The following NFE2L3 variants were observed in gnomAD, a reference collection of about 807,000 sequenced individuals.
NFE2L3 encodes nuclear factor erythroid 2-related factor 3.
A neutral mutation model predicts 23.5 loss-of-function variants in NFE2L3; 18 were observed. The observed-to-expected ratio is 0.77, with a 90% confidence interval of 0.53 to 1.13. The LOEUF is 1.13. Among genes scored for constraint, NFE2L3 ranks in the 50% most tolerant of loss-of-function variants. The probability of loss-of-function intolerance (pLI) is 0.00; values close to 1 mark genes in which losing one functional copy is unlikely to be tolerated. For missense variants in NFE2L3, 1,152 were observed against 877.2 expected, an observed-to-expected ratio of 1.31 and a Z score of -3.96; for synonymous variants, 424 against 354.5, an observed-to-expected ratio of 1.20 and a Z score of -2.20.
chr7:26,161,362 TTTG>T (rs1365553921), intron 1 of NFE2L3, among the ~76,000 whole-genome samples: 1,948 of 50,794 alleles, frequency 0.038, 70 homozygotes, highest in African/African-American at 0.069. Context: ...TTTTTTTTTT[TTTG>T]GGTCTTACCT....
At position 26,185,953 on chromosome 7, in the gene NFE2L3, A is replaced by G. The variant is rs1782473891; in HGVS notation, c.*170A>G. On this transcript the variant is annotated 3_prime_UTR_variant, in exon 4 of 4. Transcript: ENST00000056233. Reference sequence around the variant, plus strand: ...TACATGGACAAATGTTTAGGACTTCAAGATCACACTTGTGGGCAATCTGGG... The same window carrying G: ...TACATGGACAAATGTTTAGGACTTCGAGATCACACTTGTGGGCAATCTGGG... 1 of 587,546 alleles carries G rather than the reference A, an allele frequency of 1.7e-6. No individual in the cohort carries two copies. The allele number at this position is 587,546 out of a possible 1,614,324, so 36.4% of individuals were successfully genotyped here. A position where few individuals can be genotyped will look rare whatever the true frequency, so the allele number is the denominator to read the frequency against.
At chr7:26,167,982 G>A (rs901854557) in intron 1 of NFE2L3, among the ~76,000 whole-genome samples, 11 of 152,084 alleles carry the variant, frequency 7.2e-5, no homozygotes, top group African/African-American at 2.4e-4. Context: ...GTGGTTACAT[G>A]AGTGAGTTCT....
chr7:26,178,135 G>GA lies in NFE2L3; in HGVS notation c.750+15dup, dbSNP rs763141236. The stretch of plus-strand genomic sequence containing the variant: ...ATCTAGAAATGAGGTAAGCCTGTCA[G>GA]AATATTCAAGCCTTGCCGTTTTGGT... On this transcript the variant is annotated intron_variant, in intron 2 of 3. Coordinates refer to ENST00000056233, the MANE Select transcript of NFE2L3 (RefSeq NM_004289.7). 6.2e-7 allele frequency: 1 copy of GA among 1,605,302 alleles called. No individual in the cohort carries two copies. The highest frequency in any genetic ancestry group is 1.1e-5 in the South Asian group (1 of 89,224).
chr7:26,170,059 GC>G (rs1185566785), intron 1 of NFE2L3, among the ~76,000 whole-genome samples: 4 of 152,172 alleles, frequency 2.6e-5, no homozygotes, highest in African/African-American at 4.8e-5. Context: ...TATGCTTGTT[GC>G]CCAGCCTAAT....
intron 1 of NFE2L3, among the ~76,000 whole-genome samples, chr7:26,172,596 CCT>C (rs1441654036): frequency 6.6e-6 from 1 of 152,146 alleles, no homozygotes; most frequent in African/African-American, 2.4e-5. Flanking sequence ...TGGAAACACT[CCT>C]CTCTCAGTGT....
At position 26,152,812 on chromosome 7, in the gene NFE2L3, G is replaced by C; in HGVS notation, c.314G>C (p.Arg105Pro). Residue 105 changes from arginine to proline, a missense_variant, in exon 1 of 4, where the codon CGC (arginine) becomes CCC (proline). Physicochemically the swap from Arg to Pro is moderately radical, Grantham distance 103. Coordinates refer to ENST00000056233, the MANE Select transcript of NFE2L3 (RefSeq NM_004289.7). The surrounding 1 kb of genome is among the most constrained non-coding windows in gnomAD (Gnocchi z 4.4). ...VRALGVPFVP[R>P]TSVDAWLVHS... is the part of the protein sequence containing the mutation. Reference sequence around the variant, plus strand: ...GCGCTCGGGGTCCCCTTCGTCCCTCGCACCAGCGTGGATGCATGGCTGGTG... The same window carrying C: ...GCGCTCGGGGTCCCCTTCGTCCCTCCCACCAGCGTGGATGCATGGCTGGTG... 1 of 1,486,942 alleles carries C rather than the reference G, an allele frequency of 6.7e-7. No homozygotes were observed. Among genetic ancestry groups the C allele is most frequent in the South Asian group, 1.3e-5 (1 of 79,200 alleles). 92.1% of individuals were successfully genotyped at this position (1,486,942 alleles called of 1,614,324 possible).
intron 1 of NFE2L3, among the ~76,000 whole-genome samples, chr7:26,168,463 T>C (rs1784283718): frequency 2.2e-5 from 1 of 45,136 alleles, no homozygotes; most frequent in Non-Finnish European, 4.1e-5. Context: ...GTGAATGCCA[T>C]TAATTCGTTC....
intron 1 of NFE2L3, among the ~76,000 whole-genome samples, chr7:26,175,127 ATGAGGTCAGGAGATT>A (rs1784379561): frequency 6.7e-6 from 1 of 150,148 alleles, no homozygotes; most frequent in Non-Finnish European, 1.5e-5. Flanking sequence ...CGGACGGATC[ATGAGGTCAGGAGATT>A]GAGACCATCC....
At chr7:26,162,057 C>A (rs1021284220) in intron 1 of NFE2L3, among the ~76,000 whole-genome samples, 1 of 151,508 alleles carries the variant, frequency 6.6e-6, no homozygotes, top group Non-Finnish European at 1.5e-5. Flanking sequence ...GCACGAGAAT[C>A]GCTTGAACCC....
intron 1 of NFE2L3, among the ~76,000 whole-genome samples, chr7:26,163,841 G>C (rs1314050069): frequency 1.3e-5 from 2 of 151,056 alleles, no homozygotes; most frequent in East Asian, 2.0e-4. Context: ...AGTGTGTGAT[G>C]TTCCCCTTCC....
At chr7:26,170,562 G>C (rs1273523172) in intron 1 of NFE2L3, among the ~76,000 whole-genome samples, 1 of 152,266 alleles carries the variant, frequency 6.6e-6, no homozygotes, top group Non-Finnish European at 1.5e-5. Context: ...CAGCCTTTTT[G>C]GATGTCTGTT....
chr7:26,177,487 C>T (rs1784434547), intron 1 of NFE2L3, among the ~76,000 whole-genome samples: 1 of 152,102 alleles, frequency 6.6e-6, no homozygotes, highest in Admixed American at 6.5e-5. Flanking sequence ...ATCCCAGGCA[C>T]TGGGCGGGCC....
At chr7:26,175,133 T>G (rs1364457123) in intron 1 of NFE2L3, among the ~76,000 whole-genome samples, 1 of 145,908 alleles carries the variant, frequency 6.9e-6, no homozygotes, top group Non-Finnish European at 1.5e-5. Flanking sequence ...GATCATGAGG[T>G]CAGGAGATTG....
intron 3 of NFE2L3, 58 bp from the exon 4 acceptor site, chr7:26,184,464 TGTTAGGTAATA>T: frequency 7.2e-7 from 1 of 1,392,576 alleles, no homozygotes; most frequent in Non-Finnish European, 9.8e-7. Flanking sequence ...GAAAGAAAGT[TGTTAGGTAATA>T]GAACTGCTTC....
chr7:26,186,002 G>A lies in NFE2L3; in HGVS notation c.*219G>A, dbSNP rs1782476396. The A allele has an allele frequency of 2.3e-6, 1 of 433,596 alleles. No homozygotes were observed. Among genetic ancestry groups the A allele is most frequent in the East Asian group, 3.6e-5 (1 of 27,706 alleles). 26.9% of individuals were successfully genotyped at this position (433,596 alleles called of 1,614,324 possible). A position where few individuals can be genotyped will look rare whatever the true frequency, so the allele number is the denominator to read the frequency against. ...GGGGAGCCACAACTTTTCATGAAGTGCATTGTATACAAAATTCATAGTTAT... is the reference window on the plus strand; with the variant it reads ...GGGGAGCCACAACTTTTCATGAAGTACATTGTATACAAAATTCATAGTTAT... On this transcript the variant is annotated 3_prime_UTR_variant, in exon 4 of 4. Coordinates refer to ENST00000056233, the MANE Select transcript of NFE2L3 (RefSeq NM_004289.7).
chr7:26,172,291 C>G (rs1401616595), intron 1 of NFE2L3, among the ~76,000 whole-genome samples: 1 of 152,206 alleles, frequency 6.6e-6, no homozygotes. Flanking sequence ...TAATTTCAAA[C>G]TTTTAAAAAT....
intron 1 of NFE2L3, among the ~76,000 whole-genome samples, chr7:26,157,642 T>C (rs1583925592): frequency 1.3e-5 from 2 of 152,354 alleles, no homozygotes; most frequent in Admixed American, 1.3e-4. Flanking sequence ...ATTGCGTTTA[T>C]GACAAGCGTT....
At position 26,184,878 on chromosome 7, in the gene NFE2L3, T is replaced by A; in HGVS notation, c.1180T>A (p.Leu394Ile). 1 of 1,613,768 alleles carries A rather than the reference T, an allele frequency of 6.2e-7. No homozygotes were observed. Among genetic ancestry groups the A allele is most frequent in the South Asian group, 1.1e-5 (1 of 91,046 alleles). ...LDINIFDEINLMSLATEDNFD... is the reference protein window; with the variant it reads ...LDINIFDEINIMSLATEDNFD... ...CATAAATATATTTGATGAGATAAAC[T>A]TAATGTCATTGGCCACAGAAGACAA... Residue 394 changes from leucine to isoleucine, a missense_variant, in exon 4 of 4, where the codon TTA (leucine) becomes ATA (isoleucine). Leu to Ile is a conservative substitution (Grantham distance 5). Transcript: ENST00000056233.
intron 2 of NFE2L3, among the ~76,000 whole-genome samples, chr7:26,183,492 G>A (rs1782384740): frequency 6.9e-6 from 1 of 143,914 alleles, no homozygotes; most frequent in Non-Finnish European, 1.6e-5. Flanking sequence ...AGGGTGTAGT[G>A]AGCCGAGATT....
Sources: gnomAD v4.1 joint callset for allele counts (sites outside exome capture counted in the v4.1 genomes callset) on GRCh38, gnomAD v4.1.1 for gene constraint, Gnocchi (gnomAD v3.1) non-coding constraint, MANE v1.5 for transcripts, NCBI Gene and HGNC (gene_info 2026-07-23, HGNC 2026-07-21) for gene names.